PUDP: variants seen among roughly 807,000 people sequenced by gnomAD.
The protein encoded by PUDP is pseudouridine-5'-phosphatase.
Under a neutral mutation model 9.4 loss-of-function variants are expected in PUDP, and 8 were observed. The ratio of observed to expected loss-of-function variants is 0.85; its 90% CI spans 0.50 to 1.53. PUDP has a LOEUF of 1.53. PUDP is among the 40% of genes most tolerant of loss of function. The probability of loss-of-function intolerance (pLI) is 0.00; values close to 1 mark genes in which losing one functional copy is unlikely to be tolerated. For missense variants in PUDP, 188 were observed against 189.7 expected (o/e 0.99, Z 0.05); for synonymous variants, 99 against 80.7 (o/e 1.23, Z -1.22).
At chrX:6,905,432 A>G (rs1464061663) in intron 3 of PUDP, among the ~76,000 whole-genome samples, 1 of 112,112 alleles carries the variant, frequency 8.9e-6, no homozygotes, top group African/African-American at 3.2e-5. Flanking sequence ...AAAGGGAAGA[A>G]GGTTAATTAA....
intron 1 of PUDP, among the ~76,000 whole-genome samples, chrX:7,140,660 A>C (rs1247815049): frequency 8.9e-6 from 1 of 112,235 alleles, no homozygotes; most frequent in African/African-American, 3.2e-5. Flanking sequence ...CAAGGAGAAA[A>C]ATAGATTCTG....
chrX:7,068,504 A>T (rs1160620279), intron 3 of PUDP, among the ~76,000 whole-genome samples: 1 of 111,741 alleles, frequency 8.9e-6, no homozygotes, highest in Non-Finnish European at 1.9e-5. Context: ...CCTTGAAGTC[A>T]ACATAGCAGC....
chrX:6,855,391 T>C (rs1569111591), intron 3 of PUDP, among the ~76,000 whole-genome samples: 1 of 111,855 alleles, frequency 8.9e-6, no homozygotes, highest in Non-Finnish European at 1.9e-5. Context: ...CCAAAAGTTA[T>C]ACTTGAATTT....
chrX:7,131,823 C>G (rs932623910), intron 1 of PUDP, among the ~76,000 whole-genome samples: 2 of 106,529 alleles, frequency 1.9e-5, no homozygotes, highest in African/African-American at 6.9e-5. Context: ...CAGGGCTCGC[C>G]GCCATCTGCC....
chrX:6,715,731 T>C (rs1040358089), intron 1 of PUDP, among the ~76,000 whole-genome samples: 32 of 111,989 alleles, frequency 2.9e-4, no homozygotes, highest in African/African-American at 1.0e-3. Flanking sequence ...CACTGGTGAA[T>C]TGAATACTGG....
At chrX:7,098,247 C>T (rs1458059809) in intron 2 of PUDP, among the ~76,000 whole-genome samples, 1 of 112,364 alleles carries the variant, frequency 8.9e-6, no homozygotes, top group Non-Finnish European at 1.9e-5. Context: ...GTATTTCTCA[C>T]ACCTCTGGAG....
chrX:6,824,265 T>C (rs139754456), intron 3 of PUDP, among the ~76,000 whole-genome samples: 1 of 111,620 alleles, frequency 9.0e-6, no homozygotes, highest in East Asian at 2.8e-4. Flanking sequence ...AAGAAGGATG[T>C]TTTTGCTTCC....
intron 3 of PUDP, among the ~76,000 whole-genome samples, chrX:7,055,458 G>A (rs904122065): frequency 9.0e-6 from 1 of 110,798 alleles, no homozygotes; most frequent in Non-Finnish European, 1.9e-5. Flanking sequence ...GTTTCGCCAT[G>A]TTGGCCAGGC....
intron 3 of PUDP, among the ~76,000 whole-genome samples, chrX:6,877,724 C>G (rs1296212837): frequency 8.9e-6 from 1 of 111,786 alleles, no homozygotes; most frequent in Non-Finnish European, 1.9e-5. Context: ...AAGCTTGTTA[C>G]GAGTAATTAC....
At chrX:6,820,003 C>A (rs762480119) in intron 3 of PUDP, among the ~76,000 whole-genome samples, 2 of 100,618 alleles carry the variant, frequency 2.0e-5, no homozygotes, top group African/African-American at 3.6e-5. Context: ...ATAAATTTTT[C>A]TTTTTTTTTT....
At chrX:7,001,513 C>T (rs1177087682) in intron 1 of PUDP, among the ~76,000 whole-genome samples, 1 of 111,215 alleles carries the variant, frequency 9.0e-6, no homozygotes, top group Non-Finnish European at 1.9e-5. Flanking sequence ...AAAACTTATT[C>T]TATTCAGAAT....
intron 3 of PUDP, among the ~76,000 whole-genome samples, chrX:6,851,241 A>T (rs1305997884): frequency 8.9e-6 from 1 of 112,348 alleles, no homozygotes; most frequent in African/African-American, 3.2e-5. Flanking sequence ...AGAAAATCCA[A>T]TCACTTTTCA....
At position 6,745,019 on chromosome X, in the gene PUDP, T is replaced by G. The variant is rs148168050; in HGVS notation, c.*248-38553A>C. On this transcript the variant is annotated intron_variant and NMD_transcript_variant, in intron 3 of 3. Transcript: ENST00000655425. ...CACCAGTCAGCAACTACTGTGACAA[T>G]CCTTGGTGCATATATTTTTATATCC... Among the ~76,000 whole-genome samples, 265 of 111,786 alleles carry G rather than the reference T, an allele frequency of 2.4e-3. 2 individuals are homozygous for G. The highest frequency in any genetic ancestry group is 8.0e-3 in the African/African-American group (247 of 30,822).
At chrX:6,857,432 T>A (rs1647642013) in intron 3 of PUDP, among the ~76,000 whole-genome samples, 1 of 112,386 alleles carries the variant, frequency 8.9e-6, no homozygotes, top group African/African-American at 3.2e-5. Context: ...TGGGAATTTT[T>A]TAAAATTATT....
intron 3 of PUDP, among the ~76,000 whole-genome samples, chrX:6,751,605 A>C (rs769262626): frequency 9.0e-6 from 1 of 111,505 alleles, no homozygotes; most frequent in East Asian, 2.8e-4. Flanking sequence ...AATCTCTTGG[A>C]AGGAGCTTTG....
At chrX:7,034,846 T>C (rs1382352767) in intron 1 of PUDP, among the ~76,000 whole-genome samples, 2 of 99,452 alleles carry the variant, frequency 2.0e-5, no homozygotes, top group Non-Finnish European at 4.0e-5. Context: ...CTGCTGCTCA[T>C]GAAAACCTGA....
intron 3 of PUDP, among the ~76,000 whole-genome samples, chrX:6,860,437 C>T (rs1432761501): frequency 9.2e-6 from 1 of 108,576 alleles, no homozygotes; most frequent in Non-Finnish European, 1.9e-5. Context: ...ACTGTGCCTC[C>T]AAGCCCATGT....
intron 3 of PUDP, chrX:7,057,642 T>C: frequency 1.4e-5 from 16 of 1,126,395 alleles, no homozygotes; most frequent in Non-Finnish European, 1.9e-5. Context: ...TTTGAGGCCA[T>C]CGTGGGACAC....
intron 1 of PUDP, among the ~76,000 whole-genome samples, chrX:7,109,778 A>G (rs1429030123): frequency 4.4e-5 from 5 of 112,874 alleles, no homozygotes; most frequent in Non-Finnish European, 1.9e-5. Flanking sequence ...GCTGAAATAA[A>G]ATAAAGGAGC....
Sources: gnomAD v4.1 joint callset for allele counts (sites outside exome capture counted in the v4.1 genomes callset) on GRCh38, gnomAD v4.1.1 for gene constraint, MANE v1.5 for transcripts, NCBI Gene and HGNC (gene_info 2026-07-23, HGNC 2026-07-21) for gene names.